The following SLC44A5 variants were observed in gnomAD, a reference collection of about 807,000 sequenced individuals.
SLC44A5 encodes choline transporter-like protein 5.
In SLC44A5, 57 loss-of-function variants were observed where a neutral mutation model predicts 101.8. The observed-to-expected ratio is 0.56, with a 90% confidence interval of 0.45 to 0.70. The LOEUF (loss-of-function observed/expected upper bound fraction) is 0.70, where lower values mean the gene tolerates loss of function less well. Among genes scored for constraint, SLC44A5 ranks in the 30% least tolerant of loss-of-function variants. The pLI, the probability that SLC44A5 is intolerant of heterozygous loss-of-function variation, is 0.00. For synonymous variants in SLC44A5, 281 were observed against 290.9 expected (o/e 0.97, Z 0.35); for missense variants, 737 against 853.1 (o/e 0.86, Z 1.70).
At chr1:75,413,872 T>G (rs1213734487) in intron 2 of SLC44A5, among the ~76,000 whole-genome samples, 1 of 152,172 alleles carries the variant, frequency 6.6e-6, no homozygotes, top group Non-Finnish European at 1.5e-5. Flanking sequence ...GCAGTCCACA[T>G]GAAGTGAAAG....
intron 2 of SLC44A5, among the ~76,000 whole-genome samples, chr1:75,513,601 C>T (rs1357131830): frequency 6.6e-6 from 1 of 152,146 alleles, no homozygotes; most frequent in African/African-American, 2.4e-5. Flanking sequence ...TCTAAAACAA[C>T]TCTAGTTAGA....
Position 75,219,250 on chromosome 1 carries a change from T to A in SLC44A5, c.1266+7A>T, listed in dbSNP as rs2100496320. On this transcript the variant is annotated splice_region_variant and intron_variant, in intron 16 of 23. Transcript: ENST00000370859. ...AGTAAGTAAATGAAAGAGTTTCTTG[T>A]ACTTACCTCTGGGTCACAGGTTTGA... 6.3e-7 allele frequency: 1 copy of A among 1,585,314 alleles called. No individual in the cohort carries two copies. Among genetic ancestry groups the A allele is most frequent in the East Asian group, 2.2e-5 (1 of 44,634 alleles).
At chr1:75,595,877 G>T (rs1245388550) in intron 1 of SLC44A5, among the ~76,000 whole-genome samples, 1 of 152,058 alleles carries the variant, frequency 6.6e-6, no homozygotes, top group Non-Finnish European at 1.5e-5. Flanking sequence ...AATGATATTT[G>T]AAATATAAGC....
chr1:75,389,569 G>A (rs1178984660), intron 3 of SLC44A5, among the ~76,000 whole-genome samples: 1 of 152,058 alleles, frequency 6.6e-6, no homozygotes, highest in African/African-American at 2.4e-5. Context: ...AATGACTTTT[G>A]GGTAACCAAC....
In SLC44A5 at chr1:75,461,981, C is replaced by T. The variant is rs542914827; in HGVS notation, c.14-65360G>A. On this transcript the variant is annotated intron_variant, in intron 2 of 23. Transcript: ENST00000370859. Reference sequence around the variant, plus strand: ...AAAATCACAATCCTGCAGGGAAGGACGCAGGCCTGGCTGACTTTGCCACCT... The same window carrying T: ...AAAATCACAATCCTGCAGGGAAGGATGCAGGCCTGGCTGACTTTGCCACCT... 4.6e-5 allele frequency among the ~76,000 whole-genome samples: 7 copies of T among 152,320 alleles called. No homozygotes were observed. The East Asian group carries it at 7.7e-4, about 17-fold the overall frequency.
At chr1:75,538,328 A>G (rs1364179182) in intron 2 of SLC44A5, among the ~76,000 whole-genome samples, 1 of 152,216 alleles carries the variant, frequency 6.6e-6, no homozygotes, top group African/African-American at 2.4e-5. Flanking sequence ...TGTATTCTAT[A>G]TCAGTATGCT....
intron 4 of SLC44A5, 42 bp downstream of exon 4, chr1:75,339,540 G>A (rs755531798): frequency 2.1e-5 from 32 of 1,540,316 alleles, no homozygotes; most frequent in Non-Finnish European, 1.8e-5. Flanking sequence ...AGCTTTCTGT[G>A]TATGTTTAAA....
chr1:75,440,354 C>A (rs1665126489), intron 2 of SLC44A5, among the ~76,000 whole-genome samples: 1 of 152,014 alleles, frequency 6.6e-6, no homozygotes, highest in Admixed American at 6.6e-5. Context: ...ATGAAGAAGG[C>A]ATTAAGGAAA....
chr1:75,545,027 G>A (rs1671569394), intron 1 of SLC44A5, among the ~76,000 whole-genome samples: 1 of 151,878 alleles, frequency 6.6e-6, no homozygotes, highest in Non-Finnish European at 1.5e-5. Flanking sequence ...CCTCCAAAAG[G>A]CCCTGGTGTG....
the SLC44A5 span, among the ~76,000 whole-genome samples, chr1:75,616,312 T>A: frequency 6.7e-6 from 1 of 150,196 alleles, no homozygotes; most frequent in Non-Finnish European, 1.5e-5. Flanking sequence ...CGCGCCGTCA[T>A]CCAGCAGCCT....
rs536305311 is a variant in SLC44A5 at position 75,388,648 on chromosome 1, G to A, written c.52+7935C>T. 3.7e-3 allele frequency among the ~76,000 whole-genome samples: 556 copies of A among 152,012 alleles called. 6 individuals carry two copies. The highest frequency in any genetic ancestry group is 3.9e-3 in the Non-Finnish European group (266 of 67,948). ...ACAAAAATTAGCCAGGCGTGGTGGC[G>A]GGCGCCTGTGGTCCCAGCAACTTGG... On this transcript the variant is annotated intron_variant, in intron 3 of 23. Coordinates refer to ENST00000370859, the MANE Select transcript of SLC44A5 (RefSeq NM_001130058.2).
At chr1:75,338,044 C>G (rs1657581621) in intron 4 of SLC44A5, among the ~76,000 whole-genome samples, 1 of 152,180 alleles carries the variant, frequency 6.6e-6, no homozygotes, top group Admixed American at 6.5e-5. Flanking sequence ...ACCCTGCTGT[C>G]TGAAAAAGTT....
chr1:75,251,717 G>A (rs1350941823), intron 6 of SLC44A5, among the ~76,000 whole-genome samples: 1 of 151,982 alleles, frequency 6.6e-6, no homozygotes, highest in Non-Finnish European at 1.5e-5. Context: ...CTGAATGTTG[G>A]GATTATATTG....
intron 13 of SLC44A5, among the ~76,000 whole-genome samples, chr1:75,226,095 A>G (rs1647188884): frequency 6.6e-6 from 1 of 152,210 alleles, no homozygotes; most frequent in Non-Finnish European, 1.5e-5. Flanking sequence ...GATCCTGATG[A>G]GGACGGCTGA....
chr1:75,634,219 G>A, the SLC44A5 span, among the ~76,000 whole-genome samples: 1 of 152,128 alleles, frequency 6.6e-6, no homozygotes, highest in Admixed American at 6.6e-5. Flanking sequence ...TTGGTATCAG[G>A]ATGATGCTGG....
chr1:75,592,800 G>A (rs1674425363), intron 1 of SLC44A5, among the ~76,000 whole-genome samples: 2 of 152,020 alleles, frequency 1.3e-5, no homozygotes, highest in East Asian at 3.9e-4. Context: ...ATATACAGAA[G>A]AATGAAATTA....
chr1:75,352,008 G>C (rs1294133557), intron 3 of SLC44A5, among the ~76,000 whole-genome samples: 1 of 151,638 alleles, frequency 6.6e-6, no homozygotes, highest in Non-Finnish European at 1.5e-5. Flanking sequence ...TAAATCAAAA[G>C]AACCTTGAAG....
chr1:75,373,788 T>C (rs1440994064), intron 3 of SLC44A5, among the ~76,000 whole-genome samples: 2 of 151,282 alleles, frequency 1.3e-5, no homozygotes, highest in African/African-American at 4.9e-5. Context: ...CTGGGAGGAG[T>C]TAAACTCCCC....
intron 1 of SLC44A5, among the ~76,000 whole-genome samples, chr1:75,555,846 A>G (rs897191710): frequency 1.3e-5 from 2 of 152,172 alleles, no homozygotes; most frequent in Non-Finnish European, 2.9e-5. Flanking sequence ...AAATATTTGT[A>G]TATCCACACA....
Sources: allele counts gnomAD v4.1 joint callset (sites outside exome capture counted in the v4.1 genomes callset), GRCh38; gene constraint gnomAD v4.1.1; transcripts MANE v1.5; gene names NCBI Gene and HGNC (gene_info 2026-07-23, HGNC 2026-07-21).